Variants in MCTP2 observed in about 807,000 individuals in gnomAD.
MCTP2 encodes the protein multiple C2 and transmembrane domain containing 2.
A neutral mutation model predicts 111.6 loss-of-function variants in MCTP2; 132 were observed. That is an observed-to-expected ratio of 1.18 (90% CI 1.03 to 1.37). The LOEUF (loss-of-function observed/expected upper bound fraction) is 1.37. Among genes scored for constraint, MCTP2 ranks in the 40% most tolerant of loss-of-function variants. The pLI is 0.00. For missense variants in MCTP2, 1,183 were observed against 1,067.9 expected (o/e 1.11, Z -1.50); for synonymous variants, 395 against 387.7 (o/e 1.02, Z -0.22).
chr15:94,257,566 G>GTTTTTTTTTTT (rs1220635423), intron 1 of MCTP2, among the ~76,000 whole-genome samples: 16 of 73,002 alleles, frequency 2.2e-4, no homozygotes, highest in East Asian at 5.3e-4. Flanking sequence ...CATTTTCTTT[G>GTTTTTTTTTTT]TTGTTTTTTT....
intron 1 of MCTP2, among the ~76,000 whole-genome samples, chr15:94,236,377 CTTTTTTTTTTT>C (rs71132992): frequency 0.017 from 1,198 of 72,554 alleles, 13 homozygotes; most frequent in African/African-American, 0.028. Flanking sequence ...TCTTTTTTTT[CTTTTTTTTTTT>C]TTTTTTTTTT....
intron 12 of MCTP2, 30 bp downstream of exon 12, chr15:94,370,210 C>A: frequency 6.4e-7 from 1 of 1,551,156 alleles, no homozygotes; most frequent in Non-Finnish European, 8.8e-7. Context: ...TCTAATTTAT[C>A]TTTATTTATT....
intron 20 of MCTP2, among the ~76,000 whole-genome samples, chr15:94,466,859 G>GGAAT (rs1410714838): frequency 6.6e-6 from 1 of 151,754 alleles, no homozygotes; most frequent in African/African-American, 2.4e-5. Context: ...TCTTCGGTGT[G>GGAAT]GAATGGTATT....
At chr15:94,379,115 G>A (rs2079951859) in intron 12 of MCTP2, among the ~76,000 whole-genome samples, 4 of 151,410 alleles carry the variant, frequency 2.6e-5, no homozygotes, top group Admixed American at 2.6e-4. Flanking sequence ...AAGGAGATTG[G>A]AAGGGCACAG....
chr15:94,237,713 T>C (rs1048891853), intron 1 of MCTP2, among the ~76,000 whole-genome samples: 19 of 152,206 alleles, frequency 1.2e-4, no homozygotes, highest in Non-Finnish European at 2.4e-4. Context: ...CTATTAAAGC[T>C]AGATCTTTTT....
chr15:94,321,238 A>T (rs531245610), intron 4 of MCTP2, among the ~76,000 whole-genome samples: 2 of 152,170 alleles, frequency 1.3e-5, no homozygotes, highest in African/African-American at 2.4e-5. Context: ...ACAGTGTTCA[A>T]TGGCTCAGTA....
At chr15:94,304,146 C>T (rs1032136336) in intron 2 of MCTP2, among the ~76,000 whole-genome samples, 2 of 152,150 alleles carry the variant, frequency 1.3e-5, no homozygotes, top group Non-Finnish European at 2.9e-5. Flanking sequence ...GAATTAAATA[C>T]TTTGAAGACT....
intron 1 of MCTP2, among the ~76,000 whole-genome samples, chr15:94,235,431 C>T (rs1167142904): frequency 6.6e-6 from 1 of 152,082 alleles, no homozygotes; most frequent in African/African-American, 2.4e-5. Flanking sequence ...AAGAAGCCCT[C>T]CGGATGATTC....
At chr15:94,408,966 A>G (rs1328643121) in intron 17 of MCTP2, among the ~76,000 whole-genome samples, 1 of 152,204 alleles carries the variant, frequency 6.6e-6, no homozygotes, top group East Asian at 1.9e-4. Flanking sequence ...GTGCACTTGC[A>G]AGCACATATT....
intron 1 of MCTP2, among the ~76,000 whole-genome samples, chr15:94,255,071 C>T (rs2072679782): frequency 1.3e-5 from 2 of 152,240 alleles, no homozygotes; most frequent in Admixed American, 6.5e-5. Flanking sequence ...GAAGATCAGA[C>T]CTGTTCTTCT....
intron 14 of MCTP2, among the ~76,000 whole-genome samples, chr15:94,390,070 ATATATATATATATATATATG>A (rs2080806939): frequency 1.1e-3 from 13 of 11,964 alleles, no homozygotes; most frequent in South Asian, 3.6e-3. Context: ...ATATATATAT[ATATATATATATATATATATG>A]TATATATATA....
chr15:94,378,257 C>G lies in MCTP2; in HGVS notation c.1583-5765C>G, dbSNP rs912192780. Among the ~76,000 whole-genome samples, 6 of 151,894 alleles carry G rather than the reference C, an allele frequency of 4.0e-5. No individual in the cohort carries two copies. The South Asian group carries it at 8.3e-4, about 21-fold the overall frequency. The stretch of plus-strand genomic sequence containing the variant: ...ATATTTAGGGCCAAGCGCAGTGACT[C>G]GCACCCATAATTTCAACACTTTAAG... On this transcript the variant is annotated intron_variant, in intron 12 of 22. Transcript: ENST00000357742.
intron 5 of MCTP2, 47 bp from the exon 6 acceptor site, chr15:94,340,152 T>C: frequency 7.6e-6 from 10 of 1,309,566 alleles, no homozygotes; most frequent in Non-Finnish European, 1.1e-5. Flanking sequence ...AAAAACTCAG[T>C]TGGTTTACCA....
In MCTP2 at chr15:94,430,873, C is replaced by T. The variant is rs1052885887; in HGVS notation, c.2086-9303C>T. ...ATTCACCTAGATACCCACACCTCCT[C>T]CAAAGTCTTTGCTCACTTACTGCCC... On this transcript the variant is annotated intron_variant, in intron 17 of 22. Coordinates refer to ENST00000357742, the MANE Select transcript of MCTP2 (RefSeq NM_001385001.1). Among the ~76,000 whole-genome samples, 4 of 152,330 alleles carry T rather than the reference C, an allele frequency of 2.6e-5. No individual in the cohort carries two copies. In the South Asian group the frequency reaches 8.3e-4, roughly 32 times the overall value.
At chr15:94,468,468 T>C (rs1223717467) in intron 20 of MCTP2, among the ~76,000 whole-genome samples, 1 of 149,938 alleles carries the variant, frequency 6.7e-6, no homozygotes, top group Non-Finnish European at 1.5e-5. Flanking sequence ...CGTTCCTAAA[T>C]AATAGCCCCA....
intron 2 of MCTP2, among the ~76,000 whole-genome samples, chr15:94,303,103 A>ATATAGTT (rs554678514): frequency 0.068 from 1,368 of 20,070 alleles, 26 homozygotes; most frequent in African/African-American, 0.13. Flanking sequence ...TATATAGTTT[A>ATATAGTT]TATATATATA....
intron 2 of MCTP2, among the ~76,000 whole-genome samples, chr15:94,305,185 G>T (rs2075822926): frequency 6.6e-6 from 1 of 152,150 alleles, no homozygotes. Context: ...TGATCCAATG[G>T]AACTGGTGTC....
intron 19 of MCTP2, among the ~76,000 whole-genome samples, chr15:94,444,189 A>G (rs1336898707): frequency 1.3e-5 from 2 of 152,184 alleles, no homozygotes; most frequent in Non-Finnish European, 2.9e-5. Context: ...ACTGATTATT[A>G]TAAAGGACAC....
rs1486122066 is a variant in MCTP2, at chr15:94,348,041, C to T, written c.1005+2877C>T. ...ATTTTTACCAAGATAAGTACATACT[C>T]TTACGTAGCCTCTCTTTTGACCCTC... On this transcript the variant is annotated intron_variant, in intron 8 of 22. Coordinates refer to ENST00000357742, the MANE Select transcript of MCTP2 (RefSeq NM_001385001.1). 2.6e-5 allele frequency among the ~76,000 whole-genome samples: 4 copies of T among 152,248 alleles called. No homozygotes were observed. In the East Asian group the frequency reaches 7.7e-4, roughly 29 times the overall value.
Sources: gnomAD v4.1 joint callset for allele counts (sites outside exome capture counted in the v4.1 genomes callset) on GRCh38, gnomAD v4.1.1 for gene constraint, MANE v1.5 for transcripts, NCBI Gene and HGNC (gene_info 2026-07-23, HGNC 2026-07-21) for gene names.